The following ITGB6 variants were observed in gnomAD, a reference collection of about 807,000 sequenced individuals.
ITGB6 encodes integrin subunit beta 6.
In ITGB6, 80 loss-of-function variants were observed where a neutral mutation model predicts 84.5. The observed-to-expected ratio is 0.95, with a 90% CI of 0.79 to 1.14. ITGB6 has a LOEUF of 1.14. Among genes scored for constraint, ITGB6 ranks in the 50% most tolerant of loss-of-function variants. ITGB6 has a pLI of 0.00. For missense variants in ITGB6, 1,006 were observed against 968.0 expected, an observed-to-expected ratio of 1.04 and a Z score of -0.52; for synonymous variants, 383 against 354.9, an observed-to-expected ratio of 1.08 and a Z score of -0.89.
chr2:160,167,033 G>A (rs1285768913), intron 7 of ITGB6, among the ~76,000 whole-genome samples: 3 of 152,224 alleles, frequency 2.0e-5, no homozygotes, highest in South Asian at 2.1e-4. Flanking sequence ...TATGCTTAAC[G>A]TGTAACTCGG....
chr2:160,174,859 G>A (rs919880539), intron 4 of ITGB6, among the ~76,000 whole-genome samples: 16 of 152,308 alleles, frequency 1.1e-4, no homozygotes, highest in African/African-American at 2.2e-4. Flanking sequence ...TTTAAAATGC[G>A]GATAATCGTA....
In ITGB6 at chr2:160,106,835, G is replaced by A. The variant is rs113059941; in HGVS notation, c.2268+844C>T. Among the ~76,000 whole-genome samples the A allele has an allele frequency of 7.3e-3, 1,117 of 152,216 alleles. 17 individuals carry two copies. The highest frequency in any genetic ancestry group is 0.026 in the African/African-American group (1,075 of 41,526). ...ATTGTTAACATCAAATTATTTGGGC[G>A]GACAAATCCAAAGGAGCATTGCGTC... On this transcript the variant is annotated intron_variant, in intron 14 of 14. Transcript: ENST00000283249.
chr2:160,139,810 C>T (rs1434501794), intron 8 of ITGB6, among the ~76,000 whole-genome samples: 1 of 152,156 alleles, frequency 6.6e-6, no homozygotes, highest in East Asian at 1.9e-4. Context: ...GGAATTTAAA[C>T]ACAAACAGAG....
chr2:160,185,862 G>T (rs1464813416), intron 4 of ITGB6, among the ~76,000 whole-genome samples: 2 of 152,092 alleles, frequency 1.3e-5, no homozygotes, highest in Non-Finnish European at 2.9e-5. Context: ...ACAAAAACAA[G>T]CAATGGGGAA....
chr2:160,169,945 G>A (rs1406721205), intron 6 of ITGB6, among the ~76,000 whole-genome samples: 2 of 152,188 alleles, frequency 1.3e-5, no homozygotes, highest in Non-Finnish European at 2.9e-5. Context: ...CAAGTGATAT[G>A]TGTACTGTAT....
At chr2:160,113,068 A>G (rs1484734268) in intron 12 of ITGB6, among the ~76,000 whole-genome samples, 1 of 152,220 alleles carries the variant, frequency 6.6e-6, no homozygotes, top group Non-Finnish European at 1.5e-5. Context: ...AATGATGGTT[A>G]CAAACACTGT....
At chr2:160,156,368 C>A (rs1406797953) in intron 7 of ITGB6, among the ~76,000 whole-genome samples, 2 of 152,102 alleles carry the variant, frequency 1.3e-5, no homozygotes, top group Non-Finnish European at 2.9e-5. Flanking sequence ...AACTCAGGGG[C>A]CTTACAACAG....
At chr2:160,133,948 A>G (rs946574019) in intron 10 of ITGB6, among the ~76,000 whole-genome samples, 24 of 152,200 alleles carry the variant, frequency 1.6e-4, no homozygotes, top group African/African-American at 5.8e-4. Context: ...CCACAAGAGA[A>G]AGCAGGAAAG....
intron 4 of ITGB6, among the ~76,000 whole-genome samples, chr2:160,184,040 A>G (rs1472782126): frequency 6.6e-6 from 1 of 152,224 alleles, no homozygotes; most frequent in Non-Finnish European, 1.5e-5. Flanking sequence ...AAGATCTAAC[A>G]TCGACACCCT....
chr2:160,196,464 A>AAAGCAT, intron 2 of ITGB6, 44 bp from the exon 3 acceptor site: 1 of 1,502,046 alleles, frequency 6.7e-7, no homozygotes, highest in Non-Finnish European at 9.1e-7. Flanking sequence ...AAGAAAACAA[A>AAAGCAT]TCTGAATTTC....
intron 11 of ITGB6, 140 bp from the exon 12 acceptor site, chr2:160,124,028 AG>A: frequency 1.7e-6 from 1 of 587,994 alleles, no homozygotes; most frequent in Non-Finnish European, 3.0e-6. Context: ...TACTTTCAAA[AG>A]GATAGTAGGG....
intron 14 of ITGB6, among the ~76,000 whole-genome samples, chr2:160,103,495 T>C (rs1381134310): frequency 1.3e-5 from 2 of 152,198 alleles, no homozygotes; most frequent in Admixed American, 6.6e-5. Context: ...ATTGCTTCTA[T>C]TCCTGAGAGC....
At chr2:160,168,920 T>G (rs779260137) in intron 7 of ITGB6, among the ~76,000 whole-genome samples, 2 of 152,254 alleles carry the variant, frequency 1.3e-5, no homozygotes, top group Non-Finnish European at 2.9e-5. Flanking sequence ...AAATTTTCTT[T>G]TAGGTAGGCT....
intron 4 of ITGB6, among the ~76,000 whole-genome samples, chr2:160,179,818 C>T (rs1295875898): frequency 6.6e-5 from 10 of 151,534 alleles, no homozygotes; most frequent in Non-Finnish European, 1.3e-4. Flanking sequence ...AATCTTTCGG[C>T]CGGGCAGGGT....
At chr2:160,179,887 C>G (rs1245424618) in intron 4 of ITGB6, among the ~76,000 whole-genome samples, 2 of 141,542 alleles carry the variant, frequency 1.4e-5, no homozygotes, top group Non-Finnish European at 3.0e-5. Flanking sequence ...TACTTGAGGT[C>G]AGGAGTTCAA....
chr2:160,161,708 A>G (rs746019870), intron 7 of ITGB6, among the ~76,000 whole-genome samples: 4 of 152,036 alleles, frequency 2.6e-5, no homozygotes, highest in Non-Finnish European at 4.4e-5. Context: ...CTTTTTGCAA[A>G]TAGTATATAT....
chr2:160,104,145 A>T (rs1490169100), intron 14 of ITGB6, among the ~76,000 whole-genome samples: 1 of 152,202 alleles, frequency 6.6e-6, no homozygotes, highest in African/African-American at 2.4e-5. Flanking sequence ...GACATTGCTT[A>T]TAGGGAGTGA....
At chr2:160,173,532 T>C (rs1438600086) in intron 5 of ITGB6, among the ~76,000 whole-genome samples, 1 of 152,206 alleles carries the variant, frequency 6.6e-6, no homozygotes, top group Admixed American at 6.5e-5. Context: ...GTTCCTGTAA[T>C]GTTGTAGAGA....
At chr2:160,186,272 C>CAAAA (rs200245831) in intron 4 of ITGB6, among the ~76,000 whole-genome samples, 1 of 133,840 alleles carries the variant, frequency 7.5e-6, no homozygotes, top group Non-Finnish European at 1.6e-5. Context: ...AACAAATTTC[C>CAAAA]AAAAAAAAAA....
Sources: gnomAD v4.1 joint callset for allele counts (sites outside exome capture counted in the v4.1 genomes callset) on GRCh38, gnomAD v4.1.1 for gene constraint, MANE v1.5 for transcripts, NCBI Gene and HGNC (gene_info 2026-07-23, HGNC 2026-07-21) for gene names.